Variants in DLG2 observed in about 807,000 individuals in gnomAD.
The protein encoded by DLG2 is discs large MAGUK scaffold protein 2.
Under a neutral mutation model 132.5 loss-of-function variants are expected in DLG2, and 45 were observed. The ratio of observed to expected loss-of-function variants is 0.34; its 90% CI spans 0.27 to 0.44. The LOEUF (loss-of-function observed/expected upper bound fraction) is 0.44. Ranked by LOEUF, DLG2 falls within the 20% of genes least tolerant of loss-of-function variation. The pLI is 1.00. For missense variants in DLG2, 1,045 were observed against 1,196.9 expected, an observed-to-expected ratio of 0.87 and a Z score of 1.87; for synonymous variants, 424 against 419.6, an observed-to-expected ratio of 1.01 and a Z score of -0.13.
At chr11:84,253,166 C>G (rs888512240) in intron 7 of DLG2, among the ~76,000 whole-genome samples, 1 of 151,424 alleles carries the variant, frequency 6.6e-6, no homozygotes, top group Non-Finnish European at 1.5e-5. Context: ...TTTACTGGAT[C>G]TCATTAAAAA....
At chr11:84,444,900 T>C (rs11608141) in intron 7 of DLG2, among the ~76,000 whole-genome samples, 24,961 of 151,890 alleles carry the variant, frequency 0.16, 3,749 homozygotes, top group African/African-American at 0.4. Context: ...CTTCCCAGGT[T>C]GAAGCGATTC....
intron 8 of DLG2, among the ~76,000 whole-genome samples, chr11:84,203,466 C>T (rs1364342886): frequency 1.3e-5 from 2 of 151,564 alleles, no homozygotes; most frequent in Non-Finnish European, 2.9e-5. Context: ...CCTGTAGTTC[C>T]AGCTACTTGG....
intron 7 of DLG2, among the ~76,000 whole-genome samples, chr11:84,368,958 A>AT (rs959825816): frequency 3.9e-5 from 6 of 151,978 alleles, no homozygotes; most frequent in African/African-American, 9.6e-5. Flanking sequence ...TACTCAAAAT[A>AT]TTTTTTTTGA....
intron 8 of DLG2, among the ~76,000 whole-genome samples, chr11:84,248,255 T>A (rs1410526421): frequency 6.6e-6 from 1 of 152,126 alleles, no homozygotes; most frequent in Non-Finnish European, 1.5e-5. Flanking sequence ...TTTTTCTACA[T>A]CGGGGAAGGT....
intron 6 of DLG2, among the ~76,000 whole-genome samples, chr11:85,058,458 A>G (rs2063692920): frequency 6.6e-6 from 1 of 151,526 alleles, no homozygotes; most frequent in South Asian, 2.1e-4. Flanking sequence ...AAGAACATAA[A>G]TCCTTCTCAA....
At chr11:84,187,512 T>G (rs2096300428) in intron 8 of DLG2, among the ~76,000 whole-genome samples, 1 of 152,080 alleles carries the variant, frequency 6.6e-6, no homozygotes, top group Admixed American at 6.6e-5. Context: ...TACCAAGGAC[T>G]GTTTCACCCA....
chr11:85,589,235 T>C (rs1591075555), intron 3 of DLG2, among the ~76,000 whole-genome samples: 4 of 152,292 alleles, frequency 2.6e-5, no homozygotes, highest in Admixed American at 2.6e-4. Context: ...TTAGCTGTTG[T>C]TTTCCTCTTC....
rs1038228809 is a variant in DLG2 at position 84,696,726 on chromosome 11, T to G, written c.358-161995A>C. On this transcript the variant is annotated intron_variant, in intron 6 of 27. Coordinates refer to ENST00000376104, the MANE Select transcript of DLG2 (RefSeq NM_001142699.3). The stretch of plus-strand genomic sequence containing the variant: ...GAAGAAGTGAGAAATGAAATAATGT[T>G]AAGGATACATATGGAGAAATAATGT... Among the ~76,000 whole-genome samples, 6 of 151,216 alleles carry G rather than the reference T, an allele frequency of 4.0e-5. No homozygotes were observed. In the South Asian group the frequency reaches 1.2e-3, roughly 31 times the overall value.
At chr11:83,922,613 C>T (rs745588591) in intron 15 of DLG2, among the ~76,000 whole-genome samples, 8 of 152,104 alleles carry the variant, frequency 5.3e-5, no homozygotes, top group Non-Finnish European at 1.2e-4. Context: ...CAGATTGAAT[C>T]GTGTGAACAA....
intron 9 of DLG2, among the ~76,000 whole-genome samples, chr11:84,146,047 A>G (rs2095068368): frequency 6.6e-6 from 1 of 152,150 alleles, no homozygotes; most frequent in African/African-American, 2.4e-5. Context: ...TGGTTTCCAA[A>G]TCAGAAAGGT....
intron 4 of DLG2, among the ~76,000 whole-genome samples, chr11:85,251,900 T>C (rs561688974): frequency 1.3e-4 from 20 of 152,326 alleles, no homozygotes; most frequent in African/African-American, 4.1e-4. Context: ...TTTAACCTAA[T>C]TTTGTATTGG....
chr11:84,728,088 T>C (rs904943286), intron 6 of DLG2, among the ~76,000 whole-genome samples: 1 of 152,194 alleles, frequency 6.6e-6, no homozygotes, highest in Admixed American at 6.5e-5. Context: ...TATTTCTTTA[T>C]CTTGCCTGAT....
intron 6 of DLG2, among the ~76,000 whole-genome samples, chr11:84,535,165 T>A (rs2099352375): frequency 6.6e-6 from 1 of 152,208 alleles, no homozygotes; most frequent in African/African-American, 2.4e-5. Flanking sequence ...TTTAGAAAAC[T>A]TAATTTTCCT....
At chr11:85,060,609 T>C (rs1324274250) in intron 6 of DLG2, among the ~76,000 whole-genome samples, 2 of 151,710 alleles carry the variant, frequency 1.3e-5, no homozygotes, top group Non-Finnish European at 3.0e-5. Flanking sequence ...TTCTACCTCA[T>C]AGATATTGTG....
intron 8 of DLG2, among the ~76,000 whole-genome samples, chr11:84,178,531 A>G (rs1007801916): frequency 2.0e-5 from 3 of 152,176 alleles, no homozygotes; most frequent in Non-Finnish European, 2.9e-5. Flanking sequence ...AGGAAGGCCT[A>G]TTCGAAAATA....
At chr11:83,622,120 G>T (rs910615729) in intron 19 of DLG2, among the ~76,000 whole-genome samples, 1 of 152,032 alleles carries the variant, frequency 6.6e-6, no homozygotes, top group Non-Finnish European at 1.5e-5. Context: ...TAGAGATGGG[G>T]TTTCACCATG....
At chr11:85,092,638 C>A (rs991451353) in intron 6 of DLG2, among the ~76,000 whole-genome samples, 6 of 148,696 alleles carry the variant, frequency 4.0e-5, no homozygotes, top group Non-Finnish European at 8.9e-5. Flanking sequence ...ATTGAGTACA[C>A]GTGACTTTTT....
intron 10 of DLG2, among the ~76,000 whole-genome samples, chr11:84,072,027 G>A (rs2096765104): frequency 6.6e-6 from 1 of 152,204 alleles, no homozygotes; most frequent in African/African-American, 2.4e-5. Context: ...TAAGCCAAGT[G>A]CCTTGGCACT....
At chr11:83,565,399 G>C (rs1039077218) in intron 19 of DLG2, among the ~76,000 whole-genome samples, 23 of 152,182 alleles carry the variant, frequency 1.5e-4, no homozygotes, top group African/African-American at 5.3e-4. Context: ...AAGAGAAAAA[G>C]GCAGCCAGGA....
Sources: gnomAD v4.1 joint callset for allele counts (sites outside exome capture counted in the v4.1 genomes callset) on GRCh38, gnomAD v4.1.1 for gene constraint, MANE v1.5 for transcripts, NCBI Gene and HGNC (gene_info 2026-07-23, HGNC 2026-07-21) for gene names.